PCDH15: variants seen among roughly 807,000 people sequenced by gnomAD.
The protein encoded by PCDH15 is protocadherin related 15.
In PCDH15, 129 loss-of-function variants were observed where a neutral mutation model predicts 178.5. The observed-to-expected ratio is 0.72, with a 90% CI of 0.63 to 0.84. The LOEUF is 0.84. Among genes scored for constraint, PCDH15 ranks in the 40% least tolerant of loss-of-function variants. PCDH15 has a pLI of 0.00. For missense variants in PCDH15, 2,230 were observed against 2,099.9 expected, an observed-to-expected ratio of 1.06 and a Z score of -1.21; for synonymous variants, 800 against 732.0, an observed-to-expected ratio of 1.09 and a Z score of -1.50.
intron 1 of PCDH15, among the ~76,000 whole-genome samples, chr10:55,186,420 T>C (rs1213043895): frequency 6.6e-6 from 1 of 151,258 alleles, no homozygotes; most frequent in East Asian, 1.9e-4. Flanking sequence ...AAATCAAATA[T>C]AATTAATAAA....
chr10:54,411,617 AAT>A (rs1027496049), intron 3 of PCDH15, among the ~76,000 whole-genome samples: 4 of 152,014 alleles, frequency 2.6e-5, no homozygotes, highest in African/African-American at 9.7e-5. Context: ...GTGACTAGAA[AAT>A]AGTAAACACG....
chr10:54,841,090 A>G (rs1432295916), intron 3 of PCDH15, among the ~76,000 whole-genome samples: 2 of 151,834 alleles, frequency 1.3e-5, no homozygotes, highest in Non-Finnish European at 2.9e-5. Context: ...TGCACAGAAC[A>G]TTCCACCCAT....
At position 55,615,687 on chromosome 10, in the gene PCDH15, G is replaced by T. The variant is rs1021034920; in HGVS notation, c.-156+11938C>A. On this transcript the variant is annotated intron_variant, in intron 2 of 5. Transcript: ENST00000613346. ...GTTCCAGATCAGCCTGGGCAACATA[G>T]TGGGATTCTGCTTCTACCAAAAAAT... 1.4e-4 allele frequency among the ~76,000 whole-genome samples: 22 copies of T among 152,132 alleles called. 1 individual carries two copies. Among genetic ancestry groups the T allele is most frequent in the African/African-American group, 5.1e-4 (21 of 41,506 alleles).
intron 2 of PCDH15, among the ~76,000 whole-genome samples, chr10:55,428,399 T>C (rs1055051717): frequency 1.3e-5 from 2 of 151,982 alleles, no homozygotes; most frequent in African/African-American, 4.8e-5. Context: ...TCTCTATCAT[T>C]ATGAAATGAT....
chr10:53,815,473 T>C (rs773863616), intron 35 of PCDH15, among the ~76,000 whole-genome samples: 47 of 152,170 alleles, frequency 3.1e-4, no homozygotes, highest in Non-Finnish European at 5.6e-4. Flanking sequence ...TCAAATTTTA[T>C]GGAGCCCTCT....
chr10:55,207,376 C>T (rs1245247650), intron 1 of PCDH15, among the ~76,000 whole-genome samples: 3 of 152,004 alleles, frequency 2.0e-5, no homozygotes, highest in South Asian at 4.1e-4. Context: ...AAGACTGAAG[C>T]GTATTTGCCT....
intron 1 of PCDH15, among the ~76,000 whole-genome samples, chr10:54,722,980 T>A (rs1245260255): frequency 6.6e-6 from 1 of 151,622 alleles, no homozygotes; most frequent in Non-Finnish European, 1.5e-5. Flanking sequence ...CAAATCAATC[T>A]ACAGATTCAA....
chr10:55,023,011 C>T (rs1233040008), intron 2 of PCDH15, among the ~76,000 whole-genome samples: 1 of 148,112 alleles, frequency 6.8e-6, no homozygotes, highest in Admixed American at 6.7e-5. Context: ...GCTCCATCGC[C>T]GCTCACTGCA....
At chr10:54,695,828 A>T (rs1389828947) in intron 1 of PCDH15, among the ~76,000 whole-genome samples, 2 of 151,922 alleles carry the variant, frequency 1.3e-5, no homozygotes, top group East Asian at 3.9e-4. Context: ...ATGAATATTA[A>T]TTTTTTCCAT....
intron 18 of PCDH15, among the ~76,000 whole-genome samples, chr10:54,026,580 T>TA (rs1449311918): frequency 6.6e-6 from 1 of 152,204 alleles, no homozygotes; most frequent in East Asian, 1.9e-4. Context: ...TGACAAGAAG[T>TA]ATATTTGATG....
intron 2 of PCDH15, among the ~76,000 whole-genome samples, chr10:55,527,965 C>A (rs1841341202): frequency 1.3e-5 from 2 of 151,962 alleles, no homozygotes. Flanking sequence ...TTTTTGTGGA[C>A]AGAAGAGAAA....
chr10:55,396,293 C>A (rs1348040421), intron 2 of PCDH15, among the ~76,000 whole-genome samples: 1 of 152,132 alleles, frequency 6.6e-6, no homozygotes, highest in Admixed American at 6.6e-5. Flanking sequence ...CACCATATGT[C>A]ATTCTAGGAA....
At chr10:55,459,817 A>G (rs536964848) in intron 2 of PCDH15, among the ~76,000 whole-genome samples, 2 of 152,208 alleles carry the variant, frequency 1.3e-5, no homozygotes, top group Admixed American at 1.3e-4. Context: ...AGGCCATGAG[A>G]CATATTTATT....
intron 9 of PCDH15, among the ~76,000 whole-genome samples, chr10:54,222,443 T>C (rs1469349149): frequency 6.6e-6 from 1 of 152,240 alleles, no homozygotes; most frequent in African/African-American, 2.4e-5. Context: ...TATAAAGATT[T>C]GGAGACTGGC....
At chr10:55,216,771 C>T (rs868775415) in intron 1 of PCDH15, among the ~76,000 whole-genome samples, 2 of 151,730 alleles carry the variant, frequency 1.3e-5, no homozygotes, top group Non-Finnish European at 2.9e-5. Flanking sequence ...GTTGTTTTTC[C>T]TATGTGACTA....
intron 15 of PCDH15, among the ~76,000 whole-genome samples, chr10:54,115,307 T>C (rs1045655003): frequency 6.6e-6 from 1 of 152,206 alleles, no homozygotes; most frequent in African/African-American, 2.4e-5. Flanking sequence ...AAGGACCACC[T>C]GTTTTCATTA....
intron 2 of PCDH15, among the ~76,000 whole-genome samples, chr10:55,109,620 G>A (rs115682854): frequency 6.3e-4 from 96 of 152,164 alleles, no homozygotes; most frequent in African/African-American, 2.2e-3. Flanking sequence ...GGGTTATAAG[G>A]TCGGTGAAAA....
At chr10:55,007,176 G>T (rs1306949829) in intron 2 of PCDH15, among the ~76,000 whole-genome samples, 1 of 152,122 alleles carries the variant, frequency 6.6e-6, no homozygotes, top group Non-Finnish European at 1.5e-5. Flanking sequence ...AGAACTGAGA[G>T]TCAATTACAC....
intron 3 of PCDH15, among the ~76,000 whole-genome samples, chr10:54,481,871 A>G (rs1463806010): frequency 1.3e-5 from 2 of 151,978 alleles, no homozygotes; most frequent in South Asian, 2.1e-4. Context: ...CACAGAGTAC[A>G]TAAGATTTCA....
Sources: allele counts gnomAD v4.1 joint callset (sites outside exome capture counted in the v4.1 genomes callset), GRCh38; gene constraint gnomAD v4.1.1; transcripts MANE v1.5; gene names NCBI Gene and HGNC (gene_info 2026-07-23, HGNC 2026-07-21).